Variants in SCGN observed in about 807,000 individuals in gnomAD.
SCGN encodes the protein secretagogin.
Under a neutral mutation model 39.7 loss-of-function variants are expected in SCGN, and 30 were observed. That is an observed-to-expected ratio of 0.76 (90% CI 0.57 to 1.03). The LOEUF is 1.03. Ranked by LOEUF, SCGN falls within the 50% of genes least tolerant of loss-of-function variation. The pLI, the probability that SCGN is intolerant of heterozygous loss-of-function variation, is 0.00. For synonymous variants in SCGN, 106 were observed against 114.1 expected (o/e 0.93, Z 0.45); for missense variants, 353 against 349.4 (o/e 1.01, Z -0.08).
chr6:25,658,991 G>A (rs9467552), intron 2 of SCGN, among the ~76,000 whole-genome samples: 43,870 of 151,978 alleles, frequency 0.29, 6,421 homozygotes, highest in African/African-American at 0.34. Flanking sequence ...CTTAAATCCT[G>A]TCAGCTCACA....
chr6:25,685,230 T>G (rs1235223357), intron 7 of SCGN, among the ~76,000 whole-genome samples: 1 of 152,162 alleles, frequency 6.6e-6, no homozygotes, highest in African/African-American at 2.4e-5. Flanking sequence ...ATGATTATGG[T>G]TATTTGAAGC....
chr6:25,690,054 T>C (rs1759756154), intron 9 of SCGN, among the ~76,000 whole-genome samples: 1 of 152,178 alleles, frequency 6.6e-6, no homozygotes, highest in South Asian at 2.1e-4. Context: ...AGAAAAAATG[T>C]TGGGAAAGGT....
intron 10 of SCGN, among the ~76,000 whole-genome samples, chr6:25,698,397 G>A (rs1288135921): frequency 2.0e-5 from 3 of 152,204 alleles, no homozygotes; most frequent in South Asian, 4.1e-4. Flanking sequence ...AGAATAGTTT[G>A]AATGAGGTAA....
At chr6:25,657,147 G>T (rs866055111) in intron 2 of SCGN, among the ~76,000 whole-genome samples, 1 of 152,144 alleles carries the variant, frequency 6.6e-6, no homozygotes, top group South Asian at 2.1e-4. Context: ...GATTAGTGGG[G>T]TATCACATGA....
intron 2 of SCGN, among the ~76,000 whole-genome samples, chr6:25,654,314 G>A (rs1346414219): frequency 1.3e-5 from 2 of 152,230 alleles, no homozygotes; most frequent in Non-Finnish European, 1.5e-5. Context: ...AGAACATGGG[G>A]AGGGTATGTG....
chr6:25,652,522 A>G, intron 1 of SCGN, 37 bp downstream of exon 1: 1 of 1,594,980 alleles, frequency 6.3e-7, no homozygotes, highest in Non-Finnish European at 8.6e-7. Context: ...TCAGGTGTAG[A>G]CGTGGCTCCA....
intron 1 of SCGN, 46 bp from the exon 2 acceptor site, chr6:25,653,336 G>A (rs753411351): frequency 3.3e-6 from 4 of 1,229,788 alleles, no homozygotes; most frequent in South Asian, 1.3e-5. Context: ...ACTGTCATGT[G>A]TTTTTTATAT....
At chr6:25,689,341 G>T in intron 8 of SCGN, 124 bp downstream of exon 8, 2 of 1,136,310 alleles carry the variant, frequency 1.8e-6, no homozygotes, top group Non-Finnish European at 2.6e-6. Flanking sequence ...AAACAGACAA[G>T]GATCAGCATG....
chr6:25,660,025 A>G (rs1279439621), intron 2 of SCGN, among the ~76,000 whole-genome samples: 2 of 152,222 alleles, frequency 1.3e-5, no homozygotes, highest in African/African-American at 2.4e-5. Context: ...GGAGCACAAA[A>G]GAAAAAAACA....
At chr6:25,654,207 T>A (rs1760186018) in intron 2 of SCGN, among the ~76,000 whole-genome samples, 1 of 152,202 alleles carries the variant, frequency 6.6e-6, no homozygotes, top group Admixed American at 6.5e-5. Flanking sequence ...GGAGATAGTT[T>A]GTCCTTATCA....
intron 1 of SCGN, among the ~76,000 whole-genome samples, chr6:25,652,742 T>C (rs909232101): frequency 6.6e-6 from 1 of 152,174 alleles, no homozygotes; most frequent in Admixed American, 6.5e-5. Flanking sequence ...GCGCCATATA[T>C]ATGGTAGACA....
chr6:25,690,174 C>T (rs1759757594), intron 9 of SCGN, among the ~76,000 whole-genome samples: 1 of 152,194 alleles, frequency 6.6e-6, no homozygotes, highest in Non-Finnish European at 1.5e-5. Flanking sequence ...TGGTTAAACA[C>T]GTGGCTTCTG....
intron 10 of SCGN, among the ~76,000 whole-genome samples, chr6:25,698,710 G>C (rs759978343): frequency 1.3e-5 from 2 of 152,202 alleles, no homozygotes; most frequent in Non-Finnish European, 2.9e-5. Context: ...ACAAGGTCGA[G>C]TTACATTGTG....
chr6:25,682,645 T>G (rs1208117440), intron 7 of SCGN, among the ~76,000 whole-genome samples: 1 of 152,166 alleles, frequency 6.6e-6, no homozygotes, highest in Non-Finnish European at 1.5e-5. Context: ...GAGTTGAAAT[T>G]ATTGGATCTG....
chr6:25,670,119 A>G, intron 6 of SCGN, 43 bp downstream of exon 6: 1 of 1,352,868 alleles, frequency 7.4e-7, no homozygotes, highest in Non-Finnish European at 1.1e-6. Context: ...CAGCTCCCCC[A>G]CTCCCTCCCC....
chr6:25,676,823 CTTTG>C lies in SCGN; in HGVS notation c.472-5121_472-5118del, dbSNP rs1239888407. On this transcript the variant is annotated intron_variant, in intron 6 of 10. Coordinates refer to ENST00000377961, the MANE Select transcript of SCGN (RefSeq NM_006998.4). Reference sequence around the variant, plus strand: ...AAATCAGCTCCATGAGAGCATGAATCTTTGTTTGTTCAGTAAATAGAACAGTGCC... The same window carrying C: ...AAATCAGCTCCATGAGAGCATGAATCTTTGTTCAGTAAATAGAACAGTGCC... 6.6e-5 allele frequency among the ~76,000 whole-genome samples: 10 copies of C among 152,280 alleles called. No homozygotes were observed. The East Asian group carries it at 1.5e-3, about 24-fold the overall frequency.
At chr6:25,687,321 A>G (rs896551057) in intron 7 of SCGN, among the ~76,000 whole-genome samples, 3 of 152,170 alleles carry the variant, frequency 2.0e-5, no homozygotes, top group Admixed American at 6.5e-5. Flanking sequence ...GTGTATGAAC[A>G]TGGGATGTCT....
At chr6:25,691,571 G>C (rs1759773950) in intron 10 of SCGN, among the ~76,000 whole-genome samples, 4 of 151,944 alleles carry the variant, frequency 2.6e-5, no homozygotes, top group Admixed American at 2.6e-4. Context: ...TTATTTATCG[G>C]TTAAGACATT....
chr6:25,662,800 A>G (rs1412318168), intron 3 of SCGN, among the ~76,000 whole-genome samples: 1 of 152,258 alleles, frequency 6.6e-6, no homozygotes, highest in African/African-American at 2.4e-5. Flanking sequence ...AAAAGTATCA[A>G]TGTATGTATC....
Sources: gnomAD v4.1 joint callset for allele counts (sites outside exome capture counted in the v4.1 genomes callset) on GRCh38, gnomAD v4.1.1 for gene constraint, MANE v1.5 for transcripts, NCBI Gene and HGNC (gene_info 2026-07-23, HGNC 2026-07-21) for gene names.